CDK10: variants seen among roughly 807,000 people sequenced by gnomAD.
CDK10 encodes the protein cyclin dependent kinase 10.
A neutral mutation model predicts 51.0 loss-of-function variants in CDK10; 55 were observed. The ratio of observed to expected loss-of-function variants is 1.08; its 90% confidence interval spans 0.87 to 1.35. The LOEUF (loss-of-function observed/expected upper bound fraction) is 1.35. Among genes scored for constraint, CDK10 ranks in the 40% most tolerant of loss-of-function variants. CDK10 has a pLI of 0.00. For missense variants in CDK10, 589 were observed against 485.1 expected (o/e 1.21, Z -2.01); for synonymous variants, 255 against 199.1 (o/e 1.28, Z -2.36).
chr16:89,690,610 A>T lies in CDK10; in HGVS notation c.218A>T (p.Asp73Val), dbSNP rs1410967938. Residue 73 changes from aspartate (D) to valine (V), a missense_variant, in exon 3 of 13, where the codon GAC becomes GTC. Physicochemically the swap from Asp to Val is radical, Grantham distance 152. Coordinates refer to ENST00000353379, the MANE Select transcript of CDK10 (RefSeq NM_052988.5). ...EIVALKKVRM[D>V]KEKDGIPISS... ...GTCGCACTGAAGAAGGTGCGGATGGACAAGGAGAAGGATGGTGAGCAGGAA... is the reference window on the plus strand; with the variant it reads ...GTCGCACTGAAGAAGGTGCGGATGGTCAAGGAGAAGGATGGTGAGCAGGAA... The T allele has an allele frequency of 2.5e-6, 4 of 1,613,950 alleles. No individual in the cohort carries two copies. The East Asian group carries it at 8.9e-5, about 36-fold the overall frequency.
intron 5 of CDK10, chr16:89,692,213 G>C (rs1316092982): frequency 1.8e-6 from 1 of 550,448 alleles, no homozygotes; most frequent in Admixed American, 3.6e-5. Flanking sequence ...AGCCTTCTGA[G>C]GGCACTGGTT....
At chr16:89,686,969 A>T (rs533662146) in intron 1 of CDK10, 172 bp downstream of exon 1, 3 of 558,828 alleles carry the variant, frequency 5.4e-6, no homozygotes, top group Non-Finnish European at 9.2e-6. Flanking sequence ...CGGGCTCAGG[A>T]CCCCCGACAG....
In CDK10 at chr16:89,692,634, G is replaced by A. The variant is rs999632277; in HGVS notation, c.485+118G>A. The A allele has an allele frequency of 3.9e-5, 25 of 636,582 alleles. No individual in the cohort carries two copies. In the Admixed American group the frequency reaches 5.9e-4, roughly 15 times the overall value. 39.4% of individuals were successfully genotyped at this position (636,582 alleles called of 1,614,324 possible). On this transcript the variant is annotated intron_variant, in intron 6 of 12. Transcript: ENST00000353379. ...AGCTGCAGCAGCCTGCCCGCTGCTC[G>A]CACTCCATTTGTGTTTTTTTCTAAA... is the stretch of plus-strand genomic sequence containing the variant.
At chr16:89,691,296 A>G (rs1173380824) in intron 3 of CDK10, 147 bp from the exon 4 acceptor site, 8 of 553,282 alleles carry the variant, frequency 1.4e-5, no homozygotes, top group Admixed American at 3.4e-5. Flanking sequence ...AAAAAAAAAA[A>G]TGCTTATTGG....
chr16:89,689,218 A>T, intron 1 of CDK10, 34 bp from the exon 2 acceptor site: 1 of 1,610,280 alleles, frequency 6.2e-7, no homozygotes, highest in Admixed American at 1.7e-5. Flanking sequence ...ATCAGCTGCC[A>T]AATTTCCACA....
chr16:89,690,564 G>T lies in CDK10; in HGVS notation c.172G>T (p.Asp58Tyr). The change falls in exon 3 of 13, where the codon GAC becomes TAC. Residue 58 changes from aspartate to tyrosine, a missense_variant. Asp to Tyr is a radical substitution (Grantham distance 160, BLOSUM62 -3). Transcript: ENST00000353379. ...TGTTTCCATTCCAGATCGGGCCCGG[G>T]ACACCCAGACAGATGAGATTGTCGC... ...GTYGIVYRAR[D>Y]TQTDEIVALK... 6.2e-7 allele frequency: 1 copy of T among 1,614,132 alleles called. No homozygotes were observed. The highest frequency in any genetic ancestry group is 2.2e-5 in the East Asian group (1 of 44,874).
At chr16:89,693,884 C>T in intron 8 of CDK10, 2 of 563,626 alleles carry the variant, frequency 3.5e-6, no homozygotes, top group Non-Finnish European at 6.2e-6. Flanking sequence ...GTCAGGACCC[C>T]AGTGTCGTGT....
chr16:89,692,626 C>T (rs545408999), intron 6 of CDK10, 110 bp downstream of exon 6: 20 of 676,102 alleles, frequency 3.0e-5, no homozygotes, highest in South Asian at 1.7e-4. Context: ...GCAGCCTGCC[C>T]GCTGCTCGCA....
intron 6 of CDK10, chr16:89,692,803 C>A: frequency 3.6e-6 from 1 of 276,094 alleles, no homozygotes; most frequent in South Asian, 7.5e-5. Context: ...TTAAAAGGTC[C>A]AAACATCAAC....
chr16:89,695,417 G>A, intron 12 of CDK10, 72 bp downstream of exon 12: 1 of 1,541,986 alleles, frequency 6.5e-7, no homozygotes, highest in South Asian at 1.1e-5. Context: ...GGTGGGTGGT[G>A]GAGAAGTGGC....
At chr16:89,691,401 C>G (rs1438709329) in intron 3 of CDK10, 42 bp from the exon 4 acceptor site, 1 of 1,484,964 alleles carries the variant, frequency 6.7e-7, no homozygotes, top group East Asian at 2.3e-5. Context: ...GCTTCCCCGC[C>G]ATCACTGGGG....
At chr16:89,691,052 G>C (rs1308070298) in intron 3 of CDK10, among the ~76,000 whole-genome samples, 1 of 152,220 alleles carries the variant, frequency 6.6e-6, no homozygotes, top group Non-Finnish European at 1.5e-5. Flanking sequence ...TTGGGAGGCC[G>C]AGGCAGGCGG....
chr16:89,691,023 T>C (rs164743), intron 3 of CDK10, among the ~76,000 whole-genome samples: 147,910 of 152,284 alleles, frequency 0.97, 72,010 homozygotes, highest in Non-Finnish European at 1. Flanking sequence ...TGGTGGCTCA[T>C]GCCTGTAATC....
In CDK10 at chr16:89,695,430, G is replaced by T. The variant is rs538851442; in HGVS notation, c.985+85G>T. 57 of 1,507,840 alleles carry T rather than the reference G, an allele frequency of 3.8e-5. 1 individual carries two copies. In the African/African-American group the frequency reaches 7.7e-4, roughly 20 times the overall value. 93.4% of individuals were successfully genotyped at this position (1,507,840 alleles called of 1,614,324 possible). On this transcript the variant is annotated intron_variant, in intron 12 of 12. Transcript: ENST00000353379. ...GGGGTGGGTGGTGGAGAAGTGGCCT[G>T]CTGCCCTCACTGACGGCACACCCTT...
In CDK10 at chr16:89,690,739, G is replaced by C. The variant is rs918531717; in HGVS notation, c.232+115G>C. ...GTGCTTGTAGCGGGGGCCGGCCTCT[G>C]GGAGGGTTCTGGTGTGGCCCAGCAC... On this transcript the variant is annotated intron_variant, in intron 3 of 12. Coordinates refer to ENST00000353379, the MANE Select transcript of CDK10 (RefSeq NM_052988.5). The C allele has an allele frequency of 8.8e-6, 8 of 910,066 alleles. No homozygotes were observed. In the African/African-American group the frequency reaches 1.1e-4, roughly 13 times the overall value. The allele number at this position is 910,066 out of a possible 1,614,324, so 56.4% of individuals were successfully genotyped here.
rs1038574000 is a variant in CDK10, at chr16:89,686,870, C to T, written c.87+73C>T. On this transcript the variant is annotated intron_variant, in intron 1 of 12. Transcript: ENST00000353379. ...CTGCCCGGCTGGGTCTGGGGAGCCT[C>T]GTGTCGCGCTGCCGCGCCGAGGCTT... The T allele has an allele frequency of 4.6e-6, 6 of 1,311,416 alleles. No individual in the cohort carries two copies. The African/African-American group carries it at 6.1e-5, about 13-fold the overall frequency. The allele number at this position is 1,311,416 out of a possible 1,614,324, so 81.2% of individuals were successfully genotyped here. A position where few individuals can be genotyped will look rare whatever the true frequency, so the allele number is the denominator to read the frequency against.
In CDK10 at chr16:89,691,474, G is replaced by C; in HGVS notation, c.264G>C (p.Thr88=). 2 of 1,613,380 alleles carry C rather than the reference G, an allele frequency of 1.2e-6. No homozygotes were observed. Among genetic ancestry groups the C allele is most frequent in the South Asian group, 1.1e-5 (1 of 90,996 alleles). The stretch of plus-strand genomic sequence containing the variant: ...CCATCAGCAGCTTGCGGGAGATCAC[G>C]CTGCTGCTCCGCCTGCGTCATCCGA... ...GIPISSLREI[T]LLLRLRHPNI... The change falls in exon 4 of 13, where the codon ACG becomes ACC. Residue 88 remains threonine, a synonymous_variant. Transcript: ENST00000353379.
intron 3 of CDK10, 44 bp from the exon 4 acceptor site, chr16:89,691,399 G>A (rs1243149442): frequency 1.4e-5 from 20 of 1,463,110 alleles, no homozygotes; most frequent in South Asian, 7.5e-5. Flanking sequence ...GGGCTTCCCC[G>A]CCATCACTGG....
chr16:89,696,035 C>CT lies in CDK10; in HGVS notation c.*346dup, dbSNP rs1208983179. On this transcript the variant is annotated 3_prime_UTR_variant, in exon 13 of 13. Transcript: ENST00000353379. ...GTGGTGGGTGCAGTCCCCCCGCTGT[C>CT]TTTGAGTTGTGGTGGACGCTGGCCT... 13 of 583,316 alleles carry CT rather than the reference C, an allele frequency of 2.2e-5. No homozygotes were observed. The highest frequency in any genetic ancestry group is 4.6e-4 in the Middle Eastern group (1 of 2,196). 36.1% of individuals were successfully genotyped at this position (583,316 alleles called of 1,614,324 possible).
Sources: allele counts gnomAD v4.1 joint callset (sites outside exome capture counted in the v4.1 genomes callset), GRCh38; gene constraint gnomAD v4.1.1; transcripts MANE v1.5; gene names NCBI Gene and HGNC (gene_info 2026-07-23, HGNC 2026-07-21).